The following DDX25 variants were observed in gnomAD, a reference collection of about 807,000 sequenced individuals.
The protein encoded by DDX25 is DEAD-box helicase 25, also known as ATP-dependent RNA helicase DDX25.
DDX25 carries 70 observed loss-of-function variants against 64.6 expected under a neutral mutation model. The ratio of observed to expected loss-of-function variants is 1.08; its 90% confidence interval spans 0.89 to 1.32. DDX25 has a LOEUF of 1.32. DDX25 is among the 40% of genes most tolerant of loss of function. DDX25 has a pLI of 0.00. For missense variants in DDX25, 587 were observed against 604.4 expected (o/e 0.97, Z 0.30); for synonymous variants, 211 against 213.3 (o/e 0.99, Z 0.09).
chr11:125,913,390 A>AT (rs1010455182), intron 8 of DDX25, among the ~76,000 whole-genome samples: 1 of 152,042 alleles, frequency 6.6e-6, no homozygotes, highest in Non-Finnish European at 1.5e-5. Flanking sequence ...AAAGAGATTC[A>AT]TTTTTCAGCC....
chr11:125,915,148 C>T (rs1379333171), intron 8 of DDX25, among the ~76,000 whole-genome samples: 1 of 152,196 alleles, frequency 6.6e-6, no homozygotes, highest in Non-Finnish European at 1.5e-5. Context: ...TTATTTTATA[C>T]TCAAGAGAAT....
rs754717450 is a variant in DDX25 at position 125,918,752 on chromosome 11, A to G, written c.1163A>G (p.Lys388Arg). ...ASIIQRFRDG[K>R]EKVLITTNVC... ...ATCATTCAGAGGTTTCGGGATGGGA[A>G]AGAGAAGGTTCTCATAACAACTAAT... Residue 388 changes from lysine to arginine, a missense_variant, in exon 10 of 12, where the codon AAA (lysine) becomes AGA (arginine). Physicochemically the swap from Lys to Arg is conservative, Grantham distance 26. Transcript: ENST00000263576. The G allele has an allele frequency of 1.6e-5, 26 of 1,605,490 alleles. No individual in the cohort carries two copies. The highest frequency in any genetic ancestry group is 1.3e-5 in the Non-Finnish European group (15 of 1,175,812).
chr11:125,912,546 T>A (rs510000), intron 8 of DDX25, among the ~76,000 whole-genome samples: 2 of 152,024 alleles, frequency 1.3e-5, no homozygotes, highest in Non-Finnish European at 2.9e-5. Flanking sequence ...CTTGTGTACT[T>A]TAAATCATTT....
chr11:125,903,530 G>A (rs1311037623), upstream of DDX25: 1 of 152,144 alleles, frequency 6.6e-6, no homozygotes, highest in Non-Finnish European at 1.5e-5. Context: ...TTACCATTGA[G>A]AGACAAAAAC....
In DDX25 at chr11:125,927,390, C is replaced by T. The variant is rs1945176979; in HGVS notation, c.*4509C>T. 6.6e-6 allele frequency: 1 copy of T among 152,162 alleles called. No homozygotes were observed. Among genetic ancestry groups the T allele is most frequent in the African/African-American group, 2.4e-5 (1 of 41,438 alleles). The allele number at this position is 152,162 out of a possible 1,614,324, so 9.4% of individuals were successfully genotyped here. ...AATAAAGATGAGCTCTGAAGAGGGGCTCTCTCTCCCTCTTGTATTCAGAAG... is the reference window on the plus strand; with the variant it reads ...AATAAAGATGAGCTCTGAAGAGGGGTTCTCTCTCCCTCTTGTATTCAGAAG... On this transcript the variant is annotated 3_prime_UTR_variant, in exon 12 of 12. Transcript: ENST00000263576.
intron 4 of DDX25, among the ~76,000 whole-genome samples, chr11:125,907,941 A>G (rs569325819): frequency 6.6e-6 from 1 of 152,342 alleles, no homozygotes; most frequent in East Asian, 1.9e-4. Flanking sequence ...GCTTTGTTCA[A>G]CAGAAGGTTT....
intron 1 of DDX25, 110 bp downstream of exon 1, chr11:125,904,690 T>A: frequency 8.1e-7 from 1 of 1,241,584 alleles, no homozygotes; most frequent in Non-Finnish European, 1.1e-6. Flanking sequence ...AAGTGGGGCG[T>A]CAGATGCTGG....
intron 8 of DDX25, among the ~76,000 whole-genome samples, chr11:125,915,214 T>C (rs983286705): frequency 1.3e-5 from 2 of 152,216 alleles, no homozygotes; most frequent in Non-Finnish European, 2.9e-5. Context: ...TCCATTGTTA[T>C]AGTCTTCCTT....
At chr11:125,911,262 T>C in intron 7 of DDX25, 49 bp from the exon 8 acceptor site, 5 of 1,538,358 alleles carry the variant, frequency 3.3e-6, no homozygotes, top group Non-Finnish European at 2.6e-6. Flanking sequence ...CTGTGACCTG[T>C]TGGAGTTGTT....
intron 8 of DDX25, among the ~76,000 whole-genome samples, chr11:125,913,640 G>A (rs377037012): frequency 7.5e-5 from 11 of 147,504 alleles, no homozygotes; most frequent in Admixed American, 2.0e-4. Context: ...TTTTTCTCTC[G>A]CGAGAAGCCT....
chr11:125,907,379 G>T (rs71475932), intron 4 of DDX25, among the ~76,000 whole-genome samples: 17,530 of 151,830 alleles, frequency 0.12, 1,061 homozygotes, highest in Non-Finnish European at 0.13. Flanking sequence ...GAGGCCAAGG[G>T]GGGCGGATCA....
chr11:125,904,320 C>CT, upstream of DDX25: 9 of 401,724 alleles, frequency 2.2e-5, no homozygotes, highest in African/African-American at 1.7e-4. Flanking sequence ...GCTCTCTGCC[C>CT]CCCGCCCCGC....
In DDX25 at chr11:125,923,327, C is replaced by G. The variant is rs756414625; in HGVS notation, c.*446C>G. The G allele has an allele frequency of 1.8e-4, 28 of 155,466 alleles. No individual in the cohort carries two copies. Among genetic ancestry groups the G allele is most frequent in the Non-Finnish European group, 3.1e-4 (22 of 70,412 alleles). The allele number at this position is 155,466 out of a possible 1,614,324, so 9.6% of individuals were successfully genotyped here. The stretch of plus-strand genomic sequence containing the variant: ...CCAGCCATTTATGCCTTTCCCCGCT[C>G]CCCGCCTTAAACTCCCCCATGCATG... On this transcript the variant is annotated 3_prime_UTR_variant, in exon 12 of 12. Transcript: ENST00000263576.
rs151287819 is a variant in DDX25, at chr11:125,914,698, G to A, written c.801-2316G>A. On this transcript the variant is annotated intron_variant, in intron 8 of 11. Transcript: ENST00000263576. Reference sequence around the variant, plus strand: ...TGGTTTGTTTTATATAATAGCAAATGAAAAATTCAGAACTCCAGGAAATAT... The same window carrying A: ...TGGTTTGTTTTATATAATAGCAAATAAAAAATTCAGAACTCCAGGAAATAT... Among the ~76,000 whole-genome samples, 23 of 152,252 alleles carry A rather than the reference G, an allele frequency of 1.5e-4. No individual in the cohort carries two copies. In the East Asian group the frequency reaches 4.4e-3, roughly 29 times the overall value.
chr11:125,905,619 A>T, intron 3 of DDX25, 22 bp downstream of exon 3: 1 of 1,544,944 alleles, frequency 6.5e-7, no homozygotes, highest in Non-Finnish European at 8.8e-7. Flanking sequence ...ATTCATTTGC[A>T]TGTATCTACT....
rs1010943113 is a variant in DDX25 at position 125,905,116 on chromosome 11, C to A, written c.64-96C>A. 4.9e-5 allele frequency: 56 copies of A among 1,147,268 alleles called. 2 individuals are homozygous for A. In the South Asian group the frequency reaches 5.7e-4, roughly 12 times the overall value. The allele number at this position is 1,147,268 out of a possible 1,614,324, so 71.1% of individuals were successfully genotyped here. On this transcript the variant is annotated intron_variant, in intron 1 of 11. Coordinates refer to ENST00000263576, the MANE Select transcript of DDX25 (RefSeq NM_013264.5). ...GCAAAGGAAGCAATACCCGGGTGTC[C>A]TTCCCTGAATCCCTCCCAGCCCCTG...
chr11:125,921,170 A>C lies in DDX25; in HGVS notation c.1202-21A>C, dbSNP rs1364074294. ...ACTGAGGAAAGCATTGCAGGACCCT[A>C]CAGTGTTTTTCCTCTTCTAGGGATT... On this transcript the variant is annotated intron_variant, in intron 10 of 11. Transcript: ENST00000263576. The surrounding 1 kb of genome is among the most constrained non-coding windows in gnomAD (Gnocchi z 4.1). 1 of 1,600,644 alleles carries C rather than the reference A, an allele frequency of 6.2e-7. No homozygotes were observed. Among genetic ancestry groups the C allele is most frequent in the East Asian group, 2.2e-5 (1 of 44,658 alleles).
At chr11:125,920,223 G>A (rs1482576752) in intron 10 of DDX25, among the ~76,000 whole-genome samples, 1 of 152,158 alleles carries the variant, frequency 6.6e-6, no homozygotes, top group Non-Finnish European at 1.5e-5. Context: ...GATTGCTTAA[G>A]GTCAGGAGTT....
rs532195315 is a variant in DDX25 at position 125,912,923 on chromosome 11, C to T, written c.800+1435C>T. Among the ~76,000 whole-genome samples, 26 of 152,022 alleles carry T rather than the reference C, an allele frequency of 1.7e-4. No individual in the cohort carries two copies. The South Asian group carries it at 3.1e-3, about 18-fold the overall frequency. On this transcript the variant is annotated intron_variant, in intron 8 of 11. Coordinates refer to ENST00000263576, the MANE Select transcript of DDX25 (RefSeq NM_013264.5). ...CAGTAGTCCCAGCACTTTGGGAGGC[C>T]GAGACGGGTGGATCACAAGGCCAGG...
Sources: allele counts gnomAD v4.1 joint callset (sites outside exome capture counted in the v4.1 genomes callset), GRCh38; gene constraint gnomAD v4.1.1; non-coding constraint Gnocchi (gnomAD v3.1); transcripts MANE v1.5; gene names NCBI Gene and HGNC (gene_info 2026-07-23, HGNC 2026-07-21).